Variants in NCKAP5 observed in about 807,000 individuals in gnomAD.
The protein encoded by NCKAP5 is NCK associated protein 5.
A neutral mutation model predicts 167.0 loss-of-function variants in NCKAP5; 92 were observed. That is an observed-to-expected ratio of 0.55 (90% CI 0.47 to 0.66). NCKAP5 has a LOEUF of 0.66. Ranked by LOEUF, NCKAP5 falls within the 30% of genes least tolerant of loss-of-function variation. NCKAP5 has a pLI of 0.00. For synonymous variants in NCKAP5, 891 were observed against 877.4 expected (o/e 1.02, Z -0.27); for missense variants, 2,378 against 2,315.0 (o/e 1.03, Z -0.56).
chr2:132,745,830 T>A (rs1679591653), intron 16 of NCKAP5, among the ~76,000 whole-genome samples: 1 of 151,994 alleles, frequency 6.6e-6, no homozygotes. Flanking sequence ...ACAATACTAT[T>A]TCTAACAGCA....
chr2:133,213,977 C>T (rs754267630), intron 4 of NCKAP5, among the ~76,000 whole-genome samples, 198 bp from the exon 5 acceptor site: 27 of 152,170 alleles, frequency 1.8e-4, no homozygotes, highest in Non-Finnish European at 3.7e-4. Context: ...TGAAATTTGC[C>T]ATAGATTTTA....
At chr2:133,372,621 G>T (rs1006647923) in intron 3 of NCKAP5, among the ~76,000 whole-genome samples, 4 of 152,160 alleles carry the variant, frequency 2.6e-5, no homozygotes, top group African/African-American at 4.8e-5. Context: ...CTATTTGAGG[G>T]TTCACTGACC....
intron 3 of NCKAP5, among the ~76,000 whole-genome samples, chr2:133,450,462 A>G (rs1691483595): frequency 6.6e-6 from 1 of 152,202 alleles, no homozygotes; most frequent in East Asian, 1.9e-4. Flanking sequence ...TTTAAAAGCC[A>G]TTCATATTGA....
chr2:133,399,683 G>A (rs1236557439), intron 3 of NCKAP5, among the ~76,000 whole-genome samples: 1 of 152,178 alleles, frequency 6.6e-6, no homozygotes, highest in Admixed American at 6.5e-5. Context: ...GTGTAGGAGA[G>A]CTAATTTGAT....
chr2:132,771,634 A>G lies in NCKAP5; in HGVS notation c.5128+2182T>C, dbSNP rs563592497. ...ACCCAGAGCAACCTCCAGTTCTATA[A>G]GTGCCCTATACAGGTATATTGTTGT... On this transcript the variant is annotated intron_variant, in intron 16 of 19. Coordinates refer to ENST00000409261, the MANE Select transcript of NCKAP5 (RefSeq NM_207363.3). Among the ~76,000 whole-genome samples, 4 of 151,862 alleles carry G rather than the reference A, an allele frequency of 2.6e-5. No individual in the cohort carries two copies. The South Asian group carries it at 8.4e-4, about 32-fold the overall frequency.
intron 19 of NCKAP5, among the ~76,000 whole-genome samples, chr2:132,708,291 G>A (rs1193624290): frequency 6.6e-6 from 1 of 152,132 alleles, no homozygotes; most frequent in Non-Finnish European, 1.5e-5. Context: ...GGTCTAAAAT[G>A]CCATTTCTGG....
At chr2:133,077,271 C>G (rs1309267605) in intron 6 of NCKAP5, among the ~76,000 whole-genome samples, 2 of 152,170 alleles carry the variant, frequency 1.3e-5, no homozygotes, top group Non-Finnish European at 2.9e-5. Flanking sequence ...TGGCATCATT[C>G]TATCTTTAGG....
chr2:132,733,542 T>C (rs1475608569), intron 16 of NCKAP5, among the ~76,000 whole-genome samples: 1 of 152,204 alleles, frequency 6.6e-6, no homozygotes, highest in Non-Finnish European at 1.5e-5. Flanking sequence ...CCTTAGAATT[T>C]AGAATGGCAC....
At chr2:132,709,793 A>G (rs1326277944) in intron 19 of NCKAP5, among the ~76,000 whole-genome samples, 1 of 152,114 alleles carries the variant, frequency 6.6e-6, no homozygotes, top group African/African-American at 2.4e-5. Context: ...TAACTTATAC[A>G]ACTTATAAAG....
intron 5 of NCKAP5, among the ~76,000 whole-genome samples, chr2:133,191,620 G>A (rs2085223488): frequency 6.6e-6 from 1 of 152,162 alleles, no homozygotes; most frequent in Non-Finnish European, 1.5e-5. Context: ...CCTTTGTAGG[G>A]ACATGGATGA....
intron 4 of NCKAP5, among the ~76,000 whole-genome samples, chr2:133,259,712 G>T (rs749946040): frequency 1.4e-4 from 22 of 152,178 alleles, no homozygotes; most frequent in Non-Finnish European, 2.6e-4. Context: ...GAAAAAAGAG[G>T]ATATATTCCC....
intron 16 of NCKAP5, among the ~76,000 whole-genome samples, chr2:132,732,770 T>C (rs1423936870): frequency 6.6e-6 from 1 of 152,184 alleles, no homozygotes; most frequent in African/African-American, 2.4e-5. Flanking sequence ...TAATTGTGTA[T>C]CTCGTGCATG....
intron 6 of NCKAP5, among the ~76,000 whole-genome samples, chr2:133,092,886 C>T (rs2081232371): frequency 6.6e-6 from 1 of 152,144 alleles, no homozygotes; most frequent in African/African-American, 2.4e-5. Flanking sequence ...TATAGGGGTT[C>T]AATTGTAGAA....
At chr2:133,537,658 ATTCT>A (rs1292310518) in intron 2 of NCKAP5, among the ~76,000 whole-genome samples, 3 of 151,966 alleles carry the variant, frequency 2.0e-5, no homozygotes, top group Non-Finnish European at 1.5e-5. Flanking sequence ...TCCTTCATTC[ATTCT>A]AACTTTTTTG....
Position 133,293,208 on chromosome 2 carries a change from A to G in NCKAP5, c.143+9829T>C, listed in dbSNP as rs542820852. On this transcript the variant is annotated intron_variant, in intron 4 of 19. Transcript: ENST00000409261. ...GTGAAGAGGAAGGGATAAACTCCCA[A>G]GGTTAGGACCTAAATATATGTTCTA... 3.5e-4 allele frequency among the ~76,000 whole-genome samples: 54 copies of G among 152,348 alleles called. No homozygotes were observed. The Middle Eastern group carries it at 0.01, about 29-fold the overall frequency.
chr2:132,867,660 T>G (rs1215684838), intron 10 of NCKAP5, among the ~76,000 whole-genome samples: 4 of 152,202 alleles, frequency 2.6e-5, no homozygotes, highest in African/African-American at 9.6e-5. Flanking sequence ...AGCATAGTCC[T>G]TTTGGACCAT....
chr2:133,515,770 C>T lies in NCKAP5; in HGVS notation c.69+1688G>A, dbSNP rs553999899. 7.3e-4 allele frequency among the ~76,000 whole-genome samples: 111 copies of T among 152,332 alleles called. 3 individuals are homozygous for T. In the South Asian group the frequency reaches 0.021, roughly 29 times the overall value. ...CCTTTTTCCGATCTGCAAGTACCTACGATCCCCATTGGGGGTTACTCACGT... is the reference window on the plus strand; with the variant it reads ...CCTTTTTCCGATCTGCAAGTACCTATGATCCCCATTGGGGGTTACTCACGT... On this transcript the variant is annotated intron_variant, in intron 3 of 19. Coordinates refer to ENST00000409261, the MANE Select transcript of NCKAP5 (RefSeq NM_207363.3).
At chr2:132,839,861 T>C (rs921277551) in intron 11 of NCKAP5, among the ~76,000 whole-genome samples, 1 of 152,028 alleles carries the variant, frequency 6.6e-6, no homozygotes, top group Non-Finnish European at 1.5e-5. Flanking sequence ...TTTTGTATAT[T>C]ATACATTTTC....
intron 7 of NCKAP5, among the ~76,000 whole-genome samples, chr2:132,972,458 G>A (rs1194863496): frequency 6.6e-6 from 1 of 152,170 alleles, no homozygotes; most frequent in African/African-American, 2.4e-5. Context: ...GGGCGCGGTG[G>A]CTCACACCTG....
Sources: allele counts gnomAD v4.1 joint callset (sites outside exome capture counted in the v4.1 genomes callset), GRCh38; gene constraint gnomAD v4.1.1; transcripts MANE v1.5; gene names NCBI Gene and HGNC (gene_info 2026-07-23, HGNC 2026-07-21).